SHBG: variants seen among roughly 807,000 people sequenced by gnomAD.
SHBG encodes the protein sex hormone-binding globulin.
SHBG carries 37 observed loss-of-function variants against 41.9 expected under a neutral mutation model. The ratio of observed to expected loss-of-function variants is 0.88; its 90% confidence interval spans 0.68 to 1.16. The LOEUF (loss-of-function observed/expected upper bound fraction) is 1.16. Ranked by LOEUF, SHBG falls within the 50% of genes most tolerant of loss-of-function variation. The probability of loss-of-function intolerance (pLI) is 0.00; values close to 1 mark genes in which losing one functional copy is unlikely to be tolerated. For missense variants in SHBG, 466 were observed against 499.9 expected (o/e 0.93, Z 0.65); for synonymous variants, 217 against 205.8 (o/e 1.05, Z -0.47).
chr17:7,621,601 TAAAA>T (rs747951932), intron 1 of SHBG, among the ~76,000 whole-genome samples: 10 of 46,942 alleles, frequency 2.1e-4, no homozygotes, highest in African/African-American at 7.5e-4. Flanking sequence ...AGTCTCCGTC[TAAAA>T]AAAAAAAAAA....
At chr17:7,627,198 A>T (rs762789273), upstream of SHBG, 10 of 1,613,992 alleles carry the variant, frequency 6.2e-6, no homozygotes, top group South Asian at 1.1e-4. This position sits in a 1 kb window ranked among gnomAD's most constrained non-coding sequence, Gnocchi z 4.8. Flanking sequence ...GATAGAAAGG[A>T]TTGTCTCCAA....
intron 1 of SHBG, among the ~76,000 whole-genome samples, chr17:7,617,489 G>C (rs1407733422): frequency 7.9e-5 from 12 of 151,978 alleles, no homozygotes; most frequent in Non-Finnish European, 1.8e-4. Context: ...TGTAGTCCCA[G>C]CTACTCGGGA....
chr17:7,627,731 A>T, upstream of SHBG: 1 of 1,388,014 alleles, frequency 7.2e-7, no homozygotes, highest in Non-Finnish European at 1.0e-6. The surrounding 1 kb of genome is among the most constrained non-coding windows in gnomAD (Gnocchi z 4.8). Context: ...GAAGAGCCTG[A>T]GAGAGCGGGG....
At chr17:7,619,022 C>T (rs1177402303) in intron 1 of SHBG, among the ~76,000 whole-genome samples, 1 of 151,974 alleles carries the variant, frequency 6.6e-6, no homozygotes, top group Non-Finnish European at 1.5e-5. Context: ...CCAGGGAAAA[C>T]AAAAATGGTA....
At chr17:7,625,433 C>T (rs532335130), upstream of SHBG, among the ~76,000 whole-genome samples, 8 of 150,630 alleles carry the variant, frequency 5.3e-5, no homozygotes, top group East Asian at 6.0e-4. Context: ...AAAACTTAGC[C>T]GGGCGTGGTG....
In SHBG at chr17:7,631,928, A is replaced by G; in HGVS notation, c.765A>G (p.Gly255=). 1 of 1,613,874 alleles carries G rather than the reference A, an allele frequency of 6.2e-7. No homozygotes were observed. Among genetic ancestry groups the G allele is most frequent in the Non-Finnish European group, 8.5e-7 (1 of 1,179,940 alleles). Residue 255 remains glycine, a synonymous_variant, in exon 6 of 8, where the codon GGA becomes GGG. Transcript: ENST00000380450. The part of the protein sequence containing the change: ...AEPWAFSLDL[G]LKQAAGSGHL... ...CCTGGGCCTTCTCTTTGGACCTGGG[A>G]CTCAAGCAGGCAGCAGGCTCAGGCC...
In SHBG at chr17:7,630,769, TG is replaced by T; in HGVS notation, c.296del (p.Gly99AspfsTer55). On this transcript the variant is annotated frameshift_variant, in exon 3 of 8. Coordinates refer to ENST00000380450, the MANE Select transcript of SHBG (RefSeq NM_001040.5). LOFTEE classifies it high-confidence loss of function. The surrounding 1 kb of genome is among the most constrained non-coding windows in gnomAD (Gnocchi z 4.6). The stretch of plus-strand genomic sequence containing the variant: ...AACCCTAAGGATGACTGGTTTATGC[TG>T]GGACTTCGAGACGGCAGGCCTGAGA... Reference protein sequence around the residue: ...DTNPKDDWFMLGLRDGRPEIQ... With the variant: ...DTNPKDDWFMXGLRDGRPEIQ... 6.2e-7 allele frequency: 1 copy of T among 1,614,058 alleles called. No individual in the cohort carries two copies.
At chr17:7,629,659 C>T (rs1163135118), upstream of SHBG, among the ~76,000 whole-genome samples, 3 of 152,044 alleles carry the variant, frequency 2.0e-5, no homozygotes, top group Non-Finnish European at 4.4e-5. Context: ...ACAGTCACCC[C>T]GTAAAGTATT....
At chr17:7,627,511 T>C, upstream of SHBG, 6 of 1,289,184 alleles carry the variant, frequency 4.7e-6, no homozygotes, top group Non-Finnish European at 6.7e-6. The surrounding 1 kb of genome is among the most constrained non-coding windows in gnomAD (Gnocchi z 4.8). Context: ...CCCCGCCTCC[T>C]ACGACCCCGC....
At chr17:7,614,168 C>T in intron 1 of SHBG, 1 of 646,084 alleles carries the variant, frequency 1.5e-6, no homozygotes. Context: ...AAAGGGGTCT[C>T]TCCTGCGGAG....
intron 6 of SHBG, 143 bp from the exon 7 acceptor site, chr17:7,632,609 C>T: frequency 1.5e-6 from 1 of 675,324 alleles, no homozygotes; most frequent in East Asian, 2.7e-5. Context: ...AAAATTGGGG[C>T]AGGATTTAAG....
At chr17:7,624,628 A>C (rs62059837), upstream of SHBG, among the ~76,000 whole-genome samples, 9,745 of 151,424 alleles carry the variant, frequency 0.064, 470 homozygotes, top group Non-Finnish European at 0.1. Context: ...CAACCTCTCA[A>C]AGTGTTGAGA....
rs778492627 is a variant in SHBG, at chr17:7,631,596, C to T, written c.563C>T (p.Pro188Leu). The T allele has an allele frequency of 6.2e-7, 1 of 1,614,126 alleles. No homozygotes were observed. The highest frequency in any genetic ancestry group is 1.1e-5 in the South Asian group (1 of 91,088). Residue 188 changes from proline to leucine, a missense_variant, in exon 5 of 8, where the codon CCT becomes CTT. Transcript: ENST00000380450. ...PASNLRLPLV[P>L]ALDGCLRRDS... ...ATCTCTGTCACACTCCAGCTGGTTC[C>T]TGCCCTGGATGGCTGCCTGCGCCGG... is the stretch of plus-strand genomic sequence containing the variant.
At chr17:7,616,163 C>A (rs1475795757) in intron 1 of SHBG, among the ~76,000 whole-genome samples, 1 of 147,560 alleles carries the variant, frequency 6.8e-6, no homozygotes, top group Admixed American at 6.9e-5. Context: ...AAAAATTAGC[C>A]GTGGTAGTTC....
intron 1 of SHBG, among the ~76,000 whole-genome samples, chr17:7,615,488 C>T (rs918429817): frequency 1.3e-5 from 2 of 152,198 alleles, no homozygotes; most frequent in African/African-American, 2.4e-5. Context: ...TGGCTCTTAC[C>T]TTGAAGAGAT....
chr17:7,631,483 G>A, intron 4 of SHBG, 106 bp from the exon 5 acceptor site: 1 of 1,558,084 alleles, frequency 6.4e-7, no homozygotes, highest in East Asian at 2.2e-5. Context: ...CTGCAAGGGG[G>A]AGGCCAAATG....
At chr17:7,631,166 G>C (rs1247874722) in intron 3 of SHBG, 34 bp from the exon 4 acceptor site, 7 of 1,515,550 alleles carry the variant, frequency 4.6e-6, no homozygotes, top group Non-Finnish European at 5.3e-6. Flanking sequence ...ACAGATCCCA[G>C]GGGCCTCTGA....
chr17:7,622,205 C>G (rs918498681), intron 1 of SHBG, among the ~76,000 whole-genome samples: 7 of 151,558 alleles, frequency 4.6e-5, no homozygotes, highest in African/African-American at 1.7e-4. Context: ...ACTCTGTTTC[C>G]CTTAGAATGG....
At chr17:7,625,868 C>T (rs1334521581), upstream of SHBG, among the ~76,000 whole-genome samples, 1 of 145,814 alleles carries the variant, frequency 6.9e-6, no homozygotes, top group Non-Finnish European at 1.5e-5. Context: ...TCCTTGCACT[C>T]TGGCCTGAGG....
Sources: allele counts gnomAD v4.1 joint callset (sites outside exome capture counted in the v4.1 genomes callset), GRCh38; gene constraint gnomAD v4.1.1; non-coding constraint Gnocchi (gnomAD v3.1); transcripts MANE v1.5; gene names NCBI Gene and HGNC (gene_info 2026-07-23, HGNC 2026-07-21).